SMOC2: variants seen among roughly 807,000 people sequenced by gnomAD.
SMOC2 encodes SPARC-related modular calcium-binding protein 2.
A neutral mutation model predicts 61.4 loss-of-function variants in SMOC2; 39 were observed. The observed-to-expected ratio is 0.64, with a 90% CI of 0.49 to 0.83. The LOEUF is 0.83. Ranked by LOEUF, SMOC2 falls within the 40% of genes least tolerant of loss-of-function variation. The pLI is 0.00. For synonymous variants in SMOC2, 247 were observed against 239.9 expected (o/e 1.03, Z -0.27); for missense variants, 556 against 592.9 (o/e 0.94, Z 0.65).
At chr6:168,545,887 T>C (rs1045257999) in intron 5 of SMOC2, among the ~76,000 whole-genome samples, 1 of 152,270 alleles carries the variant, frequency 6.6e-6, no homozygotes, top group Non-Finnish European at 1.5e-5. Context: ...GTTTAAAATA[T>C]GTTTCCCATT....
Position 168,442,609 on chromosome 6 carries a change from TCCTAAAGG to T in SMOC2, c.84+1156_84+1163del, listed in dbSNP as rs528853455. ...TCTTTTTTAAGTGGCCGGGGACTTG[TCCTAAAGG>T]TGTTTATTGTATTGAAAATAAAGAT... On this transcript the variant is annotated intron_variant, in intron 1 of 12. Coordinates refer to ENST00000356284, the MANE Select transcript of SMOC2 (RefSeq NM_001166412.2). 2.9e-4 allele frequency among the ~76,000 whole-genome samples: 44 copies of T among 152,398 alleles called. No individual in the cohort carries two copies. The East Asian group carries it at 4.0e-3, about 14-fold the overall frequency.
chr6:168,485,136 G>GA (rs571969180), intron 1 of SMOC2, among the ~76,000 whole-genome samples: 8 of 151,998 alleles, frequency 5.3e-5, no homozygotes, highest in Middle Eastern at 3.4e-3. Flanking sequence ...ACAAATAATT[G>GA]AAAAAAATGA....
chr6:168,573,497 G>A (rs1784720002), intron 7 of SMOC2, among the ~76,000 whole-genome samples: 1 of 152,184 alleles, frequency 6.6e-6, no homozygotes, highest in African/African-American at 2.4e-5. Context: ...CGGGCTCCCA[G>A]GCGAGCCTGC....
At chr6:168,633,476 C>A (rs548366272) in intron 9 of SMOC2, among the ~76,000 whole-genome samples, 1 of 152,108 alleles carries the variant, frequency 6.6e-6, no homozygotes, top group South Asian at 2.1e-4. Context: ...AGGAAATAGG[C>A]CCTTGGCTCT....
At chr6:168,653,792 A>G (rs949001474) in intron 11 of SMOC2, among the ~76,000 whole-genome samples, 3 of 149,348 alleles carry the variant, frequency 2.0e-5, no homozygotes, top group Admixed American at 6.6e-5. Flanking sequence ...AGCTCCAACC[A>G]GATGTTAGGA....
intron 9 of SMOC2, among the ~76,000 whole-genome samples, chr6:168,641,342 G>A (rs969528099): frequency 6.6e-5 from 10 of 152,152 alleles, no homozygotes; most frequent in East Asian, 1.9e-4. Context: ...CAGCACTGAC[G>A]TCAACCTTAC....
intron 9 of SMOC2, among the ~76,000 whole-genome samples, chr6:168,608,795 T>A (rs1276881603): frequency 6.6e-6 from 1 of 152,244 alleles, no homozygotes; most frequent in Non-Finnish European, 1.5e-5. Flanking sequence ...GATATATCAT[T>A]AAGAAGCTTC....
chr6:168,516,879 G>A (rs1430091666), intron 2 of SMOC2, among the ~76,000 whole-genome samples: 8 of 152,144 alleles, frequency 5.3e-5, no homozygotes, highest in Non-Finnish European at 1.0e-4. Flanking sequence ...CCTTGAACCC[G>A]GGAGGTGGAG....
chr6:168,453,620 CTCTG>C lies in SMOC2; in HGVS notation c.84+12170_84+12173del, dbSNP rs1781514355. Among the ~76,000 whole-genome samples the C allele has an allele frequency of 6.6e-6, 1 of 151,784 alleles. No homozygotes were observed. Among genetic ancestry groups the C allele is most frequent in the African/African-American group, 2.4e-5 (1 of 41,296 alleles). The stretch of plus-strand genomic sequence containing the variant: ...TCTGTCTGTCTCTGTTTCTTCCTGT[CTCTG>C]TCTCTTTGTCTCTCTCTGTCTCTTT... On this transcript the variant is annotated intron_variant, in intron 1 of 12. Transcript: ENST00000356284. This position sits in a 1 kb window ranked among gnomAD's most constrained non-coding sequence, Gnocchi z 4.4.
chr6:168,640,231 G>A (rs1435700743), intron 9 of SMOC2, among the ~76,000 whole-genome samples: 1 of 134,326 alleles, frequency 7.4e-6, no homozygotes, highest in South Asian at 2.5e-4. Flanking sequence ...CGGTTGTGTT[G>A]TGGTAGTCGC....
intron 8 of SMOC2, among the ~76,000 whole-genome samples, chr6:168,601,192 G>A (rs1389555327): frequency 6.6e-6 from 1 of 152,218 alleles, no homozygotes; most frequent in African/African-American, 2.4e-5. Flanking sequence ...GGCTCAAGCC[G>A]ACTAATGCCT....
At chr6:168,529,492 C>T (rs929513211) in intron 4 of SMOC2, among the ~76,000 whole-genome samples, 1 of 152,188 alleles carries the variant, frequency 6.6e-6, no homozygotes, top group South Asian at 2.1e-4. Context: ...TTCACCTGTT[C>T]GGTGCAACTA....
In SMOC2 at chr6:168,536,763, G is replaced by A. The variant is rs552945507; in HGVS notation, c.464-6862G>A. ...TGTGGACCTGGGCCGTGCCGTCCCT[G>A]CTCCAGAATGTCCCCAACAAGGAGT... is the stretch of plus-strand genomic sequence containing the variant. On this transcript the variant is annotated intron_variant, in intron 4 of 12. Transcript: ENST00000356284. Among the ~76,000 whole-genome samples, 4 of 152,286 alleles carry A rather than the reference G, an allele frequency of 2.6e-5. No individual in the cohort carries two copies. In the South Asian group the frequency reaches 8.3e-4, roughly 32 times the overall value.
intron 1 of SMOC2, among the ~76,000 whole-genome samples, chr6:168,499,829 A>T (rs1276204776): frequency 6.6e-6 from 1 of 152,190 alleles, no homozygotes; most frequent in African/African-American, 2.4e-5. Flanking sequence ...CCAGCAGTGC[A>T]ATCAGGAAGG....
At chr6:168,521,784 A>C (rs1324428632) in intron 2 of SMOC2, among the ~76,000 whole-genome samples, 1 of 152,106 alleles carries the variant, frequency 6.6e-6, no homozygotes, top group Admixed American at 6.5e-5. Context: ...CTGAGGTGAG[A>C]GGATTCCTTG....
chr6:168,444,606 G>A (rs924381631), intron 1 of SMOC2, among the ~76,000 whole-genome samples: 37 of 152,218 alleles, frequency 2.4e-4, no homozygotes, highest in South Asian at 1.2e-3. Context: ...TGTCCAATGC[G>A]CTCTTAATTT....
chr6:168,521,886 C>A (rs979999430), intron 2 of SMOC2, among the ~76,000 whole-genome samples: 1 of 152,156 alleles, frequency 6.6e-6, no homozygotes, highest in Non-Finnish European at 1.5e-5. Flanking sequence ...CAAAACAAAA[C>A]CTGTTGTTAG....
At chr6:168,559,810 A>G (rs1784354484) in intron 7 of SMOC2, among the ~76,000 whole-genome samples, 1 of 152,210 alleles carries the variant, frequency 6.6e-6, no homozygotes, top group Non-Finnish European at 1.5e-5. Flanking sequence ...TATTTTTACC[A>G]GTCCATCCTC....
chr6:168,567,067 A>T (rs1466383762), intron 7 of SMOC2, among the ~76,000 whole-genome samples: 3 of 152,240 alleles, frequency 2.0e-5, no homozygotes, highest in Non-Finnish European at 4.4e-5. Flanking sequence ...TTCCAAGATT[A>T]GTCTCAACTA....
Sources: allele counts gnomAD v4.1 joint callset (sites outside exome capture counted in the v4.1 genomes callset), GRCh38; gene constraint gnomAD v4.1.1; non-coding constraint Gnocchi (gnomAD v3.1); transcripts MANE v1.5; gene names NCBI Gene and HGNC (gene_info 2026-07-23, HGNC 2026-07-21).